CUX1: variants seen among roughly 807,000 people sequenced by gnomAD.
CUX1 encodes protein CASP.
Under a neutral mutation model 158.8 loss-of-function variants are expected in CUX1, and 31 were observed. That is an observed-to-expected ratio of 0.20 (90% CI 0.15 to 0.26). The LOEUF (loss-of-function observed/expected upper bound fraction) is 0.26. Ranked by LOEUF, CUX1 falls within the 10% of genes least tolerant of loss-of-function variation. The probability of loss-of-function intolerance (pLI) is 1.00; values close to 1 mark genes in which losing one functional copy is unlikely to be tolerated. For synonymous variants in CUX1, 879 were observed against 862.1 expected, an observed-to-expected ratio of 1.02 and a Z score of -0.34; for missense variants, 1,589 against 2,014.6, an observed-to-expected ratio of 0.79 and a Z score of 4.04.
intron 2 of CUX1, among the ~76,000 whole-genome samples, chr7:101,966,150 A>C (rs1291753555): frequency 1.3e-5 from 2 of 151,866 alleles, no homozygotes; most frequent in Non-Finnish European, 2.9e-5. Context: ...CTGCAGCCTC[A>C]ACCTCCCCGG....
At position 102,251,693 on chromosome 7, in the gene CUX1, C is replaced by T; in HGVS notation, c.*2651C>T. The T allele has an allele frequency of 1.0e-6, 1 of 985,366 alleles. No individual in the cohort carries two copies. Among genetic ancestry groups the T allele is most frequent in the Non-Finnish European group, 1.2e-6 (1 of 829,918 alleles). 61.0% of individuals were successfully genotyped at this position (985,366 alleles called of 1,614,324 possible). ...CCTTAGGACAGTGAGTGGCAGAGCCCTGACGACTGTGGTGTCCTCTCCACA... is the reference window on the plus strand; with the variant it reads ...CCTTAGGACAGTGAGTGGCAGAGCCTTGACGACTGTGGTGTCCTCTCCACA... On this transcript the variant is annotated 3_prime_UTR_variant, in exon 24 of 24. Transcript: ENST00000292535.
chr7:102,165,705 C>G (rs997293951), intron 9 of CUX1, among the ~76,000 whole-genome samples: 1 of 152,100 alleles, frequency 6.6e-6, no homozygotes, highest in African/African-American at 2.4e-5. Flanking sequence ...CTTTCAGGGA[C>G]CCTTGAGGGA....
In CUX1 at chr7:101,967,690, G is replaced by A. The variant is rs546956551; in HGVS notation, c.141+51465G>A. On this transcript the variant is annotated intron_variant, in intron 2 of 23. Coordinates refer to ENST00000292535, the MANE Select transcript of CUX1 (RefSeq NM_181552.4). ...TCTGCACTATAGGAAGGGATGTTGT[G>A]TGCACCACACTTTCTAAAAAGATAT... 2.2e-4 allele frequency among the ~76,000 whole-genome samples: 34 copies of A among 152,288 alleles called. No individual in the cohort carries two copies. The South Asian group carries it at 7.1e-3, about 32-fold the overall frequency.
chr7:102,121,803 C>T (rs1832079065), intron 8 of CUX1, among the ~76,000 whole-genome samples: 1 of 152,102 alleles, frequency 6.6e-6, no homozygotes, highest in South Asian at 2.1e-4. Flanking sequence ...GGACCTGGTC[C>T]TTTAGGCTCA....
chr7:102,233,183 C>CTTT (rs781940562), intron 21 of CUX1, among the ~76,000 whole-genome samples: 6 of 117,260 alleles, frequency 5.1e-5, no homozygotes, highest in East Asian at 2.7e-4. Context: ...TTTTTTTTTC[C>CTTT]TTTTTTTTTT....
At chr7:102,230,098 G>A (rs35172826) in intron 21 of CUX1, among the ~76,000 whole-genome samples, 2,320 of 152,240 alleles carry the variant, frequency 0.015, 39 homozygotes, top group Non-Finnish European at 0.022. Context: ...CAACCCTACC[G>A]AGTGGTTGCA....
chr7:102,213,227 C>T (rs887820292), intron 20 of CUX1, among the ~76,000 whole-genome samples: 2 of 152,234 alleles, frequency 1.3e-5, no homozygotes, highest in Non-Finnish European at 2.9e-5. Flanking sequence ...GTGCAGGGTA[C>T]TCCTGGTGCC....
At chr7:102,098,699 T>TG (rs782687657) in intron 5 of CUX1, among the ~76,000 whole-genome samples, 4 of 150,530 alleles carry the variant, frequency 2.7e-5, no homozygotes, top group Non-Finnish European at 5.9e-5. Context: ...TGGAGTGCAG[T>TG]GCACGATCTC....
chr7:102,046,807 C>A (rs1479480610), intron 3 of CUX1, among the ~76,000 whole-genome samples: 1 of 152,008 alleles, frequency 6.6e-6, no homozygotes, highest in Non-Finnish European at 1.5e-5. Context: ...TCTTGAACTC[C>A]TGGCCTCAAG....
chr7:102,090,703 T>TC (rs1554481979), intron 4 of CUX1, among the ~76,000 whole-genome samples: 118 of 137,878 alleles, frequency 8.6e-4, no homozygotes, highest in African/African-American at 2.9e-3. Flanking sequence ...TTTTTTTTTT[T>TC]CCTAGCTTTT....
intron 21 of CUX1, among the ~76,000 whole-genome samples, chr7:102,233,342 C>T (rs781822833): frequency 3.9e-5 from 6 of 152,032 alleles, no homozygotes; most frequent in Non-Finnish European, 5.9e-5. Flanking sequence ...CATGCCACCA[C>T]GCCTAGCTAA....
At chr7:101,967,478 C>G (rs1424696432) in intron 2 of CUX1, among the ~76,000 whole-genome samples, 1 of 152,170 alleles carries the variant, frequency 6.6e-6, no homozygotes, top group Non-Finnish European at 1.5e-5. Context: ...GTTTCAGAAG[C>G]CTTTAAAAGC....
intron 8 of CUX1, among the ~76,000 whole-genome samples, chr7:102,139,073 C>T (rs1358319609): frequency 6.6e-6 from 1 of 151,732 alleles, no homozygotes. Context: ...GGAGAAACCC[C>T]ATCTGTACTA....
At chr7:102,014,871 A>G (rs1818412594) in intron 2 of CUX1, among the ~76,000 whole-genome samples, 1 of 150,858 alleles carries the variant, frequency 6.6e-6, no homozygotes, top group South Asian at 2.1e-4. Context: ...AAAAAAAAAA[A>G]AAAGAAAAAA....
At position 102,280,800 on chromosome 7, in the gene CUX1, G is replaced by A. The variant is rs375396137; in HGVS notation, c.1765-4G>A. On this transcript the variant is annotated splice_polypyrimidine_tract_variant and splice_region_variant and intron_variant, in intron 19 of 22. Transcript: ENST00000292538. ...TCCTTTCCTGACTGTCCCTCCCTGT[G>A]CAGGAGCGGCAGAGGAAGTACCTGA... is the stretch of plus-strand genomic sequence containing the variant. The A allele has an allele frequency of 2.5e-6, 4 of 1,612,792 alleles. No homozygotes were observed. In the African/African-American group the frequency reaches 4.0e-5, roughly 16 times the overall value.
chr7:101,903,249 G>A (rs1382433262), intron 1 of CUX1, among the ~76,000 whole-genome samples: 3 of 152,166 alleles, frequency 2.0e-5, no homozygotes, highest in African/African-American at 4.8e-5. Flanking sequence ...TACACAAGGC[G>A]GGTGGTGGCG....
chr7:102,277,907 G>A, intron 17 of CUX1: 1 of 1,203,092 alleles, frequency 8.3e-7, no homozygotes, highest in South Asian at 1.4e-5. Flanking sequence ...TGCCAGCACG[G>A]AGGCCTCTCC....
chr7:102,205,587 A>G (rs1554520877), intron 20 of CUX1, among the ~76,000 whole-genome samples: 3 of 152,116 alleles, frequency 2.0e-5, no homozygotes, highest in African/African-American at 7.2e-5. Flanking sequence ...GAGCAAGAAA[A>G]TGGGGAGCTT....
intron 1 of CUX1, among the ~76,000 whole-genome samples, chr7:101,823,647 T>A (rs1279890228): frequency 6.6e-6 from 1 of 152,222 alleles, no homozygotes; most frequent in Non-Finnish European, 1.5e-5. Flanking sequence ...GCACACTGCT[T>A]GTTTTCTTAT....
Sources: gnomAD v4.1 joint callset for allele counts (sites outside exome capture counted in the v4.1 genomes callset) on GRCh38, gnomAD v4.1.1 for gene constraint, MANE v1.5 for transcripts, NCBI Gene and HGNC (gene_info 2026-07-23, HGNC 2026-07-21) for gene names.